CTNND2: variants seen among roughly 807,000 people sequenced by gnomAD.
CTNND2 encodes catenin delta-2.
In CTNND2, 22 loss-of-function variants were observed where a neutral mutation model predicts 144.4. That is an observed-to-expected ratio of 0.15 (90% CI 0.11 to 0.22). CTNND2 has a LOEUF of 0.22. CTNND2 is among the 10% of genes least tolerant of loss of function. The pLI, the probability that CTNND2 is intolerant of heterozygous loss-of-function variation, is 1.00. For missense variants in CTNND2, 1,353 were observed against 1,618.8 expected (o/e 0.84, Z 2.82); for synonymous variants, 751 against 695.6 (o/e 1.08, Z -1.25).
intron 10 of CTNND2, among the ~76,000 whole-genome samples, chr5:11,227,060 C>T (rs1004864030): frequency 7.9e-5 from 12 of 152,260 alleles, no homozygotes; most frequent in South Asian, 4.1e-4. Context: ...GAGCCACACA[C>T]CGTGTGTGTG....
chr5:11,465,164 A>C (rs1766545423), intron 3 of CTNND2, among the ~76,000 whole-genome samples: 1 of 152,222 alleles, frequency 6.6e-6, no homozygotes, highest in Non-Finnish European at 1.5e-5. Flanking sequence ...TTTTTGCAGT[A>C]ATTGTTCACA....
intron 12 of CTNND2, among the ~76,000 whole-genome samples, chr5:11,124,452 G>A (rs1367715030): frequency 2.0e-5 from 3 of 152,068 alleles, no homozygotes; most frequent in Non-Finnish European, 4.4e-5. Context: ...TCGATTCCAC[G>A]AAGCACACTT....
Position 11,541,840 on chromosome 5 carries a change from C to T in CTNND2, c.287+23104G>A, listed in dbSNP as rs547329207. 5.7e-5 allele frequency among the ~76,000 whole-genome samples: 5 copies of T among 88,370 alleles called. 1 individual carries two copies. The South Asian group carries it at 1.2e-3, about 22-fold the overall frequency. The allele number at this position is 88,370 out of a possible 152,430, so 58.0% of individuals were successfully genotyped here. A position where few individuals can be genotyped will look rare whatever the true frequency, so the allele number is the denominator to read the frequency against. On this transcript the variant is annotated intron_variant, in intron 3 of 21. Transcript: ENST00000304623. ...TGTCAACTTATTATTTATTATCGAC[C>T]CCCCCCCCCCGGCCAAAAGCCTTTT...
At chr5:11,438,137 A>C (rs1763935391) in intron 3 of CTNND2, among the ~76,000 whole-genome samples, 1 of 152,228 alleles carries the variant, frequency 6.6e-6, no homozygotes, top group Non-Finnish European at 1.5e-5. Context: ...TGTATTGTGG[A>C]CTGGATATAG....
At chr5:11,486,971 A>G (rs751399182) in intron 3 of CTNND2, among the ~76,000 whole-genome samples, 1 of 152,208 alleles carries the variant, frequency 6.6e-6, no homozygotes, top group Non-Finnish European at 1.5e-5. Context: ...AGCTTTGGAC[A>G]TATGTAAAAT....
intron 16 of CTNND2, among the ~76,000 whole-genome samples, chr5:11,062,645 T>TG (rs777940037): frequency 3.9e-5 from 6 of 152,346 alleles, no homozygotes; most frequent in South Asian, 4.1e-4. Flanking sequence ...ATAGTTCCAC[T>TG]GGGGGCAGGC....
At chr5:11,280,592 C>T (rs141901401) in intron 9 of CTNND2, among the ~76,000 whole-genome samples, 122 of 152,286 alleles carry the variant, frequency 8.0e-4, no homozygotes, top group African/African-American at 2.7e-3. Flanking sequence ...TAATCTTAAT[C>T]GCCTCTTCAA....
chr5:11,506,978 T>C (rs1771115488), intron 3 of CTNND2, among the ~76,000 whole-genome samples: 1 of 152,246 alleles, frequency 6.6e-6, no homozygotes, highest in Admixed American at 6.5e-5. Flanking sequence ...ATCGAATTAG[T>C]TGTCAAGCTT....
chr5:11,190,961 A>G (rs1435839126), intron 11 of CTNND2, among the ~76,000 whole-genome samples: 1 of 152,218 alleles, frequency 6.6e-6, no homozygotes, highest in Non-Finnish European at 1.5e-5. Flanking sequence ...GCTGAAAAGC[A>G]AAGTGTCCAA....
chr5:11,293,262 G>A (rs1270168117), intron 9 of CTNND2, among the ~76,000 whole-genome samples: 1 of 152,122 alleles, frequency 6.6e-6, no homozygotes, highest in Non-Finnish European at 1.5e-5. Context: ...TTTCCAAGCA[G>A]GGACAATGTT....
rs533750366 is a variant in CTNND2 at position 11,217,134 on chromosome 5, T to C, written c.1762-17473A>G. Among the ~76,000 whole-genome samples the C allele has an allele frequency of 7.9e-5, 12 of 152,310 alleles. No homozygotes were observed. In the South Asian group the frequency reaches 2.5e-3, roughly 32 times the overall value. On this transcript the variant is annotated intron_variant, in intron 10 of 21. Coordinates refer to ENST00000304623, the MANE Select transcript of CTNND2 (RefSeq NM_001332.4). ...TGTCCACAAACCACTGTTAAATGAC[T>C]CTCTTTTCAGATAATTTCAATGACG...
rs536285168 is a variant in CTNND2 at position 11,487,304 on chromosome 5, G to C, written c.288-75235C>G. 3.7e-4 allele frequency among the ~76,000 whole-genome samples: 57 copies of C among 152,196 alleles called. No homozygotes were observed. The South Asian group carries it at 9.5e-3, about 25-fold the overall frequency. Reference sequence around the variant, plus strand: ...CTTCTTAATAATACATACACACAGCGACACAAAGTGGTTATTTAAACAATG... The same window carrying C: ...CTTCTTAATAATACATACACACAGCCACACAAAGTGGTTATTTAAACAATG... On this transcript the variant is annotated intron_variant, in intron 3 of 21. Coordinates refer to ENST00000304623, the MANE Select transcript of CTNND2 (RefSeq NM_001332.4).
intron 2 of CTNND2, among the ~76,000 whole-genome samples, chr5:11,670,465 A>G (rs922237756): frequency 3.3e-5 from 5 of 152,128 alleles, no homozygotes; most frequent in African/African-American, 4.8e-5. Flanking sequence ...TAGGATAGTT[A>G]GCTCTTCTTG....
chr5:11,073,429 C>G (rs1440395670), intron 16 of CTNND2, among the ~76,000 whole-genome samples: 1 of 152,240 alleles, frequency 6.6e-6, no homozygotes, highest in Non-Finnish European at 1.5e-5. Flanking sequence ...GTCTCTTGCT[C>G]TCTCTTTGAG....
At chr5:11,581,587 G>A (rs192471152) in intron 2 of CTNND2, among the ~76,000 whole-genome samples, 121 of 152,282 alleles carry the variant, frequency 7.9e-4, no homozygotes, top group African/African-American at 2.5e-3. Flanking sequence ...TGATGTCAAC[G>A]TTATCTTATT....
chr5:11,585,169 T>C (rs1387424111), intron 2 of CTNND2, among the ~76,000 whole-genome samples: 1 of 151,854 alleles, frequency 6.6e-6, no homozygotes, highest in Non-Finnish European at 1.5e-5. Flanking sequence ...TCACTAAGAG[T>C]CTGTCTGATA....
At chr5:11,120,938 T>A (rs1235123129) in intron 12 of CTNND2, among the ~76,000 whole-genome samples, 3 of 152,236 alleles carry the variant, frequency 2.0e-5, no homozygotes, top group African/African-American at 7.2e-5. Context: ...GAATATTTGA[T>A]TTTCACATTG....
intron 9 of CTNND2, among the ~76,000 whole-genome samples, chr5:11,270,959 A>T (rs1216518674): frequency 6.6e-6 from 1 of 152,230 alleles, no homozygotes; most frequent in East Asian, 1.9e-4. Flanking sequence ...TAAAATACAA[A>T]CTAGGAAAAT....
At chr5:11,183,106 A>T (rs942247758) in intron 11 of CTNND2, among the ~76,000 whole-genome samples, 1 of 152,194 alleles carries the variant, frequency 6.6e-6, no homozygotes, top group Non-Finnish European at 1.5e-5. Context: ...ATAAATACCT[A>T]GCCATGCTCA....
Sources: gnomAD v4.1 joint callset for allele counts (sites outside exome capture counted in the v4.1 genomes callset) on GRCh38, gnomAD v4.1.1 for gene constraint, MANE v1.5 for transcripts, NCBI Gene and HGNC (gene_info 2026-07-23, HGNC 2026-07-21) for gene names.